MDH1: variants seen among roughly 807,000 people sequenced by gnomAD.
MDH1 encodes the protein malate dehydrogenase 1, also known as malate dehydrogenase, cytoplasmic.
MDH1 carries 15 observed loss-of-function variants against 38.7 expected under a neutral mutation model. The ratio of observed to expected loss-of-function variants is 0.39; its 90% confidence interval spans 0.26 to 0.60. MDH1 has a LOEUF of 0.60. MDH1 is among the 20% of genes least tolerant of loss of function. MDH1 has a pLI of 0.56. For synonymous variants in MDH1, 144 were observed against 143.6 expected (o/e 1.00, Z -0.02); for missense variants, 368 against 405.2 (o/e 0.91, Z 0.79).
intron 2 of MDH1, chr2:63,594,825 C>A: frequency 2.6e-6 from 1 of 380,332 alleles, no homozygotes; most frequent in Non-Finnish European, 4.8e-6. Flanking sequence ...CTTGGTGCAA[C>A]CAGCAGGTGT....
chr2:63,591,482 G>A (rs1370084900), intron 1 of MDH1, among the ~76,000 whole-genome samples: 2 of 152,224 alleles, frequency 1.3e-5, no homozygotes, highest in African/African-American at 4.8e-5. Context: ...ACTAAGGACT[G>A]TGATACTGTG....
chr2:63,591,050 C>CT (rs1485162808), intron 1 of MDH1: 1 of 152,146 alleles, frequency 6.6e-6, no homozygotes, highest in Non-Finnish European at 1.5e-5. Context: ...AAATATGTGG[C>CT]TCTGTCTGTG....
At chr2:63,598,340 G>T (rs997735477) in intron 4 of MDH1, among the ~76,000 whole-genome samples, 3 of 152,018 alleles carry the variant, frequency 2.0e-5, no homozygotes. Context: ...TGTTGGCCAG[G>T]CTGGTCTCGA....
At chr2:63,593,698 C>T in intron 1 of MDH1, 1 of 471,308 alleles carries the variant, frequency 2.1e-6, no homozygotes, top group Non-Finnish European at 4.4e-6. Flanking sequence ...TTCACCTTAA[C>T]TGAATTTTTC....
Position 63,595,538 on chromosome 2 carries a change from A to T in MDH1, c.199+19A>T. 1 of 1,448,536 alleles carries T rather than the reference A, an allele frequency of 6.9e-7. No individual in the cohort carries two copies. The highest frequency in any genetic ancestry group is 1.1e-5 in the South Asian group (1 of 87,518). The allele number at this position is 1,448,536 out of a possible 1,614,324, so 89.7% of individuals were successfully genotyped here. ...CTGAAAGGTGGGTTGGGGAGTAGAGAAGGGATTTTATGGTATTTGATTTCT... is the reference window on the plus strand; with the variant it reads ...CTGAAAGGTGGGTTGGGGAGTAGAGTAGGGATTTTATGGTATTTGATTTCT... On this transcript the variant is annotated intron_variant, in intron 3 of 8. Transcript: ENST00000233114.
At chr2:63,591,976 G>A (rs866945235) in intron 1 of MDH1, among the ~76,000 whole-genome samples, 2 of 152,222 alleles carry the variant, frequency 1.3e-5, no homozygotes, top group South Asian at 4.1e-4. Flanking sequence ...AGAGCATGCA[G>A]TTAATGAGTT....
Position 63,603,090 on chromosome 2 carries a change from G to A in MDH1, c.499-1606G>A, listed in dbSNP as rs369232124. Among the ~76,000 whole-genome samples the A allele has an allele frequency of 3.9e-5, 6 of 152,002 alleles. 1 individual carries two copies. In the South Asian group the frequency reaches 1.2e-3, roughly 32 times the overall value. On this transcript the variant is annotated intron_variant, in intron 5 of 8. Transcript: ENST00000233114. ...TTCTCCTGCCTCAGCCTCCTGAGTA[G>A]CTGGGATTACAGGCACACGCTGCCA...
intron 1 of MDH1, among the ~76,000 whole-genome samples, chr2:63,592,558 C>G (rs1709220222): frequency 6.6e-6 from 1 of 152,176 alleles, no homozygotes; most frequent in Admixed American, 6.5e-5. Context: ...GTAGCCCAGG[C>G]TGGTCTCGAA....
At chr2:63,589,086 C>T in intron 1 of MDH1, 40 bp downstream of exon 1, 1 of 1,614,212 alleles carries the variant, frequency 6.2e-7, no homozygotes, top group Non-Finnish European at 8.5e-7. Flanking sequence ...CTCTGGCCCT[C>T]GCGCCCTTGA....
intron 7 of MDH1, among the ~76,000 whole-genome samples, 168 bp downstream of exon 7, chr2:63,605,561 C>T (rs887218710): frequency 1.3e-5 from 2 of 152,208 alleles, no homozygotes; most frequent in Non-Finnish European, 2.9e-5. Flanking sequence ...CCTTTCTGAG[C>T]TGTTTTGTCA....
At chr2:63,600,122 T>G (rs1709392075) in intron 5 of MDH1, 1 of 152,232 alleles carries the variant, frequency 6.6e-6, no homozygotes. Flanking sequence ...AAAAAATTGT[T>G]GTTAACCAGA....
intron 5 of MDH1, among the ~76,000 whole-genome samples, chr2:63,602,119 G>A (rs1017645404): frequency 2.6e-5 from 4 of 152,096 alleles, no homozygotes; most frequent in Non-Finnish European, 2.9e-5. Flanking sequence ...GGATTAGATC[G>A]GTCAAAAGTG....
chr2:63,605,131 G>C, intron 6 of MDH1, 149 bp from the exon 7 acceptor site: 3 of 651,182 alleles, frequency 4.6e-6, no homozygotes, highest in Non-Finnish European at 8.0e-6. Context: ...AGAAGGATTG[G>C]TAAGGCTGAC....
intron 1 of MDH1, chr2:63,593,282 C>T (rs1045284661): frequency 7.2e-5 from 15 of 208,114 alleles, no homozygotes; most frequent in Admixed American, 2.5e-4. Context: ...TTAGTAGAGA[C>T]GGGGTTTCTC....
At chr2:63,595,092 C>A (rs1709279997) in intron 2 of MDH1, 1 of 369,824 alleles carries the variant, frequency 2.7e-6, no homozygotes. Context: ...CTGTACTTAG[C>A]TTTCCATGAA....
intron 1 of MDH1, 84 bp from the exon 2 acceptor site, chr2:63,594,404 G>A (rs1177092500): frequency 9.7e-7 from 1 of 1,033,564 alleles, no homozygotes; most frequent in Non-Finnish European, 1.5e-6. Context: ...TAAAGTATGT[G>A]GATTTCTTAC....
At chr2:63,594,455 C>T (rs371816428) in intron 1 of MDH1, 33 bp from the exon 2 acceptor site, 5 of 1,433,932 alleles carry the variant, frequency 3.5e-6, no homozygotes, top group South Asian at 3.4e-5. Context: ...TACAGTAGTA[C>T]TTAAAGATGT....
In MDH1 at chr2:63,606,998, A is replaced by T; in HGVS notation, c.*11A>T. ...CTTTCCTCTGCCTGACTAGACAATG[A>T]TGTTACTAAATGCTTCAAAGCTGAA... On this transcript the variant is annotated 3_prime_UTR_variant, in exon 9 of 9. Transcript: ENST00000233114. 1 of 1,603,620 alleles carries T rather than the reference A, an allele frequency of 6.2e-7. No homozygotes were observed. The highest frequency in any genetic ancestry group is 8.5e-7 in the Non-Finnish European group (1 of 1,176,418).
rs116688048 is a variant in MDH1, at chr2:63,598,472, T to C, written c.376-698T>C. On this transcript the variant is annotated intron_variant, in intron 4 of 8. Transcript: ENST00000233114. ...GAACTATCAATTAACTAGAACTTAA[T>C]TGTCACCCAGCAAATAGGCTTGCCG... Among the ~76,000 whole-genome samples the C allele has an allele frequency of 3.6e-3, 553 of 152,236 alleles. 4 individuals are homozygous for C. The highest frequency in any genetic ancestry group is 0.012 in the African/African-American group (514 of 41,544).
Sources: allele counts gnomAD v4.1 joint callset (sites outside exome capture counted in the v4.1 genomes callset), GRCh38; gene constraint gnomAD v4.1.1; transcripts MANE v1.5; gene names NCBI Gene and HGNC (gene_info 2026-07-23, HGNC 2026-07-21).